The following MACROD2 variants were observed in gnomAD, a reference collection of about 807,000 sequenced individuals.
MACROD2 encodes mono-ADP ribosylhydrolase 2.
Under a neutral mutation model 70.4 loss-of-function variants are expected in MACROD2, and 36 were observed. The observed-to-expected ratio is 0.51, with a 90% CI of 0.39 to 0.68. MACROD2 has a LOEUF of 0.68. Ranked by LOEUF, MACROD2 falls within the 30% of genes least tolerant of loss-of-function variation. MACROD2 has a pLI of 0.00. For missense variants in MACROD2, 496 were observed against 538.4 expected (o/e 0.92, Z 0.78); for synonymous variants, 172 against 178.8 (o/e 0.96, Z 0.30).
intron 5 of MACROD2, chr20:14,933,765 A>G (rs2074316788): frequency 6.6e-6 from 1 of 152,220 alleles, no homozygotes; most frequent in Non-Finnish European, 1.5e-5. Flanking sequence ...ATAGCCATTT[A>G]AAATAACTTA....
At chr20:14,203,129 T>C (rs374155374) in intron 3 of MACROD2, among the ~76,000 whole-genome samples, 20 of 152,322 alleles carry the variant, frequency 1.3e-4, no homozygotes, top group African/African-American at 4.3e-4. Context: ...ATTTCAAAGA[T>C]TGTCTTCAAG....
intron 2 of MACROD2, among the ~76,000 whole-genome samples, chr20:14,012,095 T>C (rs919802132): frequency 4.6e-5 from 7 of 151,968 alleles, no homozygotes; most frequent in Non-Finnish European, 1.0e-4. Flanking sequence ...TTAGTAGAGA[T>C]GGGGTTTCGC....
chr20:14,552,141 C>T (rs539998776), intron 4 of MACROD2, among the ~76,000 whole-genome samples: 107 of 151,500 alleles, frequency 7.1e-4, no homozygotes, highest in Non-Finnish European at 1.2e-3. Context: ...GGTATCTGAA[C>T]ATTTGTTTTT....
chr20:14,847,198 G>A (rs2073151863), intron 5 of MACROD2, among the ~76,000 whole-genome samples: 1 of 152,130 alleles, frequency 6.6e-6, no homozygotes, highest in South Asian at 2.1e-4. Flanking sequence ...TCTAATGGGA[G>A]TGTAATGAGT....
intron 8 of MACROD2, among the ~76,000 whole-genome samples, chr20:15,618,557 A>C (rs1192500608): frequency 7.4e-6 from 1 of 135,726 alleles, no homozygotes; most frequent in East Asian, 2.5e-4. Flanking sequence ...GATTTCATTG[A>C]GATTTCTCCC....
Position 15,695,678 on chromosome 20 carries a change from G to A in MACROD2, c.646-167067G>A, listed in dbSNP as rs183770183. Among the ~76,000 whole-genome samples the A allele has an allele frequency of 3.0e-4, 46 of 152,204 alleles. 1 individual carries two copies. In the East Asian group the frequency reaches 7.4e-3, roughly 24 times the overall value. On this transcript the variant is annotated intron_variant, in intron 8 of 17. Transcript: ENST00000684519. ...CCCGCCTCGGCCTCTCAAAGTGCTG[G>A]GATTACAGGCATGAGCCACCAAGCC... is the stretch of plus-strand genomic sequence containing the variant.
chr20:15,283,018 G>A (rs142768851), intron 6 of MACROD2, among the ~76,000 whole-genome samples: 5 of 152,282 alleles, frequency 3.3e-5, no homozygotes, highest in East Asian at 3.9e-4. Context: ...GCAGCAGGAC[G>A]AAATAAGTGC....
chr20:15,241,686 A>G (rs912785785), intron 6 of MACROD2, among the ~76,000 whole-genome samples: 2 of 151,928 alleles, frequency 1.3e-5, no homozygotes, highest in Non-Finnish European at 2.9e-5. Context: ...CTTCAAAACA[A>G]TGAAAATCCA....
chr20:14,333,125 G>A (rs887339271), intron 3 of MACROD2, among the ~76,000 whole-genome samples: 1 of 152,048 alleles, frequency 6.6e-6, no homozygotes, highest in African/African-American at 2.4e-5. Flanking sequence ...CATGAAGTCT[G>A]AAGGGTTTGC....
chr20:14,557,962 A>G (rs1979155630), intron 4 of MACROD2, among the ~76,000 whole-genome samples: 1 of 151,872 alleles, frequency 6.6e-6, no homozygotes, highest in Non-Finnish European at 1.5e-5. Flanking sequence ...CCAAAATGGA[A>G]CAACTTAAAT....
At chr20:14,969,355 T>G (rs868394448) in intron 5 of MACROD2, among the ~76,000 whole-genome samples, 64 of 129,036 alleles carry the variant, frequency 5.0e-4, no homozygotes, top group African/African-American at 1.9e-3. Context: ...GCTATATAAA[T>G]GCTTTTACAC....
chr20:16,012,346 G>A (rs1007033042), intron 15 of MACROD2, among the ~76,000 whole-genome samples: 1 of 152,152 alleles, frequency 6.6e-6, no homozygotes, highest in Admixed American at 6.5e-5. Context: ...CTTCTACATT[G>A]GTGGTTCTCA....
intron 3 of MACROD2, among the ~76,000 whole-genome samples, chr20:14,361,469 A>G (rs918581738): frequency 6.6e-6 from 1 of 152,206 alleles, no homozygotes; most frequent in Non-Finnish European, 1.5e-5. Flanking sequence ...AGCTGGATAC[A>G]TAATAGATGA....
chr20:14,444,440 C>T (rs2084160873), intron 3 of MACROD2, among the ~76,000 whole-genome samples: 1 of 152,024 alleles, frequency 6.6e-6, no homozygotes, highest in African/African-American at 2.4e-5. Flanking sequence ...CCCTTTCCGT[C>T]TGTTCCTTAT....
intron 8 of MACROD2, among the ~76,000 whole-genome samples, chr20:15,764,453 T>A (rs1215709508): frequency 6.6e-6 from 1 of 152,112 alleles, no homozygotes; most frequent in Non-Finnish European, 1.5e-5. Flanking sequence ...CTCCTTCCCT[T>A]CCACCAAACC....
intron 10 of MACROD2, among the ~76,000 whole-genome samples, chr20:15,929,218 C>T (rs1409240943): frequency 1.3e-5 from 2 of 152,170 alleles, no homozygotes; most frequent in African/African-American, 4.8e-5. Flanking sequence ...CTCCATGTAT[C>T]TCTCATCCTC....
chr20:15,264,562 G>C (rs1188735712), intron 6 of MACROD2, among the ~76,000 whole-genome samples: 1 of 152,196 alleles, frequency 6.6e-6, no homozygotes, highest in African/African-American at 2.4e-5. Flanking sequence ...AAGACTCTTG[G>C]AGGGTGGTGG....
At chr20:14,919,534 C>T (rs1271921907) in intron 5 of MACROD2, among the ~76,000 whole-genome samples, 2 of 152,200 alleles carry the variant, frequency 1.3e-5, no homozygotes, top group Non-Finnish European at 2.9e-5. Context: ...TGCCTTCTTG[C>T]AAGCAACCAG....
chr20:15,108,130 A>G (rs537646358), intron 5 of MACROD2, among the ~76,000 whole-genome samples: 3 of 152,156 alleles, frequency 2.0e-5, no homozygotes, highest in Admixed American at 1.3e-4. Flanking sequence ...CTTCTTAGCT[A>G]TGTGATACTG....
Sources: allele counts gnomAD v4.1 joint callset (sites outside exome capture counted in the v4.1 genomes callset), GRCh38; gene constraint gnomAD v4.1.1; transcripts MANE v1.5; gene names NCBI Gene and HGNC (gene_info 2026-07-23, HGNC 2026-07-21).